The following PRKG1 variants were observed in gnomAD, a reference collection of about 807,000 sequenced individuals.
PRKG1 encodes the protein protein kinase cGMP-dependent 1.
PRKG1 carries 35 observed loss-of-function variants against 88.1 expected under a neutral mutation model. The observed-to-expected ratio is 0.40, with a 90% CI of 0.30 to 0.53. The LOEUF is 0.53. Among genes scored for constraint, PRKG1 ranks in the 20% least tolerant of loss-of-function variants. PRKG1 has a pLI of 0.59. For synonymous variants in PRKG1, 303 were observed against 292.5 expected, an observed-to-expected ratio of 1.04 and a Z score of -0.37; for missense variants, 540 against 839.8, an observed-to-expected ratio of 0.64 and a Z score of 4.41.
chr10:51,698,655 G>A, intron 3 of PRKG1: 4 of 1,614,150 alleles, frequency 2.5e-6, no homozygotes, highest in Non-Finnish European at 2.5e-6. Context: ...CGCTCTAAAG[G>A]CACTGGGCCA....
chr10:52,197,764 G>A (rs534745241), intron 9 of PRKG1, among the ~76,000 whole-genome samples: 1 of 152,312 alleles, frequency 6.6e-6, no homozygotes, highest in East Asian at 1.9e-4. Context: ...TGTGGACTTA[G>A]TCATCTTAAT....
chr10:51,251,450 C>G (rs1027731962), intron 2 of PRKG1, among the ~76,000 whole-genome samples: 1 of 151,882 alleles, frequency 6.6e-6, no homozygotes, highest in East Asian at 1.9e-4. Flanking sequence ...CTTATTGTAT[C>G]TGCCAGGCAC....
intron 5 of PRKG1, among the ~76,000 whole-genome samples, chr10:51,942,664 T>C (rs1231651853): frequency 3.4e-5 from 5 of 148,984 alleles, no homozygotes; most frequent in Non-Finnish European, 7.4e-5. Flanking sequence ...TTCAGCTTTC[T>C]ACATATGGCT....
At chr10:51,415,164 A>T (rs1838202822) in intron 2 of PRKG1, among the ~76,000 whole-genome samples, 1 of 152,214 alleles carries the variant, frequency 6.6e-6, no homozygotes, top group Non-Finnish European at 1.5e-5. Flanking sequence ...TGTCCTTGTC[A>T]GTATGCTGCC....
intron 5 of PRKG1, among the ~76,000 whole-genome samples, chr10:51,941,614 C>A (rs1842909349): frequency 6.7e-6 from 1 of 149,186 alleles, no homozygotes. Context: ...TCCCCCGACC[C>A]CACAACAGTC....
In PRKG1 at chr10:51,606,340, C is replaced by G. The variant is rs372417876; in HGVS notation, c.592+138504C>G. Among the ~76,000 whole-genome samples, 3 of 152,202 alleles carry G rather than the reference C, an allele frequency of 2.0e-5. No homozygotes were observed. The East Asian group carries it at 5.8e-4, about 29-fold the overall frequency. On this transcript the variant is annotated intron_variant, in intron 3 of 17. Transcript: ENST00000373980. ...CTGGTAATCAAACTGGTAACTCTTTCTGAGGCCTGAAGAAGTTGCTGTTCT... is the reference window on the plus strand; with the variant it reads ...CTGGTAATCAAACTGGTAACTCTTTGTGAGGCCTGAAGAAGTTGCTGTTCT...
chr10:51,475,688 T>C (rs975224979), intron 3 of PRKG1, among the ~76,000 whole-genome samples: 8 of 151,942 alleles, frequency 5.3e-5, no homozygotes, highest in Admixed American at 1.3e-4. Flanking sequence ...CTACATATTA[T>C]TAATATATTC....
chr10:51,680,352 G>T (rs1012257333), intron 3 of PRKG1, among the ~76,000 whole-genome samples: 1 of 151,880 alleles, frequency 6.6e-6, no homozygotes, highest in Non-Finnish European at 1.5e-5. Flanking sequence ...CCCCTTGCTC[G>T]GGCCCACTCC....
At chr10:51,895,321 G>A (rs1253640141) in intron 4 of PRKG1, among the ~76,000 whole-genome samples, 2 of 152,180 alleles carry the variant, frequency 1.3e-5, no homozygotes, top group South Asian at 4.1e-4. Flanking sequence ...TTCTGGGTGT[G>A]TCCCTTTCCT....
At chr10:51,620,344 C>T (rs2132260137) in intron 3 of PRKG1, among the ~76,000 whole-genome samples, 1 of 152,030 alleles carries the variant, frequency 6.6e-6, no homozygotes, top group East Asian at 1.9e-4. Flanking sequence ...TTTATAAGTT[C>T]TGTGGTCATT....
intron 4 of PRKG1, among the ~76,000 whole-genome samples, chr10:51,812,415 GCATGGGGA>G (rs2132625841): frequency 6.6e-6 from 1 of 152,300 alleles, no homozygotes; most frequent in Non-Finnish European, 1.5e-5. Context: ...GGCAGGCATT[GCATGGGGA>G]AGAATCGGGC....
chr10:51,938,409 C>T (rs1842839861), intron 5 of PRKG1, among the ~76,000 whole-genome samples: 1 of 151,888 alleles, frequency 6.6e-6, no homozygotes, highest in Non-Finnish European at 1.5e-5. Context: ...AATGTATCCC[C>T]TATGGATAAG....
chr10:51,813,294 C>T (rs1189378649), intron 4 of PRKG1, among the ~76,000 whole-genome samples: 1 of 151,704 alleles, frequency 6.6e-6, no homozygotes, highest in Non-Finnish European at 1.5e-5. Flanking sequence ...GAATGCATTC[C>T]AATATCAAAT....
At chr10:51,624,043 A>G (rs925153505) in intron 3 of PRKG1, among the ~76,000 whole-genome samples, 2 of 152,124 alleles carry the variant, frequency 1.3e-5, no homozygotes, top group East Asian at 3.9e-4. Flanking sequence ...TTAACCACTC[A>G]TATTTTTTTC....
In PRKG1 at chr10:52,003,417, A is replaced by G. The variant is rs182353440; in HGVS notation, c.763-51067A>G. On this transcript the variant is annotated intron_variant, in intron 5 of 17. Transcript: ENST00000373980. ...AGGTGTTCAATCATGTAGGTAAAAT[A>G]GAAGTAGGATTAAGAAAGTCATGAG... is the stretch of plus-strand genomic sequence containing the variant. 1.8e-3 allele frequency among the ~76,000 whole-genome samples: 274 copies of G among 152,318 alleles called. 2 individuals are homozygous for G. Among genetic ancestry groups the G allele is most frequent in the Middle Eastern group, 3.4e-3 (1 of 294 alleles).
intron 3 of PRKG1, among the ~76,000 whole-genome samples, chr10:51,611,878 A>C (rs1310438533): frequency 6.6e-6 from 1 of 152,122 alleles, no homozygotes; most frequent in Admixed American, 6.6e-5. Flanking sequence ...TCCTAGCACC[A>C]TTTATTAAAA....
chr10:52,109,089 G>T (rs902685192), intron 7 of PRKG1, among the ~76,000 whole-genome samples: 1 of 152,032 alleles, frequency 6.6e-6, no homozygotes, highest in African/African-American at 2.4e-5. Flanking sequence ...GCCTCCCAAA[G>T]TGCTGGGATT....
chr10:52,272,946 C>G (rs1841771673), intron 12 of PRKG1, among the ~76,000 whole-genome samples: 1 of 151,952 alleles, frequency 6.6e-6, no homozygotes, highest in Non-Finnish European at 1.5e-5. Context: ...TTACATGGCT[C>G]TTTGGTTTCA....
At chr10:52,255,754 T>A (rs1841292266) in intron 10 of PRKG1, among the ~76,000 whole-genome samples, 1 of 152,026 alleles carries the variant, frequency 6.6e-6, no homozygotes, top group Admixed American at 6.6e-5. Context: ...ATAGCATTTC[T>A]GAGGCAGAGG....
Sources: allele counts gnomAD v4.1 joint callset (sites outside exome capture counted in the v4.1 genomes callset), GRCh38; gene constraint gnomAD v4.1.1; transcripts MANE v1.5; gene names NCBI Gene and HGNC (gene_info 2026-07-23, HGNC 2026-07-21).